CAST: variants seen among roughly 807,000 people sequenced by gnomAD.
The protein encoded by CAST is MIR583 host.
A neutral mutation model predicts 119.6 loss-of-function variants in CAST; 76 were observed. The observed-to-expected ratio is 0.64, with a 90% CI of 0.53 to 0.77. The LOEUF (loss-of-function observed/expected upper bound fraction) is 0.77, where lower values mean the gene tolerates loss of function less well. Among genes scored for constraint, CAST ranks in the 30% least tolerant of loss-of-function variants. The pLI is 0.00. For missense variants in CAST, 953 were observed against 946.5 expected (o/e 1.01, Z -0.09); for synonymous variants, 319 against 331.6 (o/e 0.96, Z 0.41).
chr5:96,586,858 C>T (rs1043352505), intron 1 of CAST, among the ~76,000 whole-genome samples: 2 of 152,198 alleles, frequency 1.3e-5, no homozygotes, highest in African/African-American at 4.8e-5. Flanking sequence ...TAGCCAGGCA[C>T]TCTGTTAAGC....
At chr5:96,490,352 GTC>G in the CAST span, among the ~76,000 whole-genome samples, 1 of 97,672 alleles carries the variant, frequency 1.0e-5, no homozygotes, top group East Asian at 2.7e-4. Context: ...ATATGTGTGT[GTC>G]TGTGTGTGTG....
chr5:96,460,604 T>C, the CAST span, among the ~76,000 whole-genome samples: 2 of 151,706 alleles, frequency 1.3e-5, no homozygotes, highest in African/African-American at 4.8e-5. Context: ...AGAATCAGGT[T>C]AGAATTAAAA....
chr5:96,012,044 TTTTAAA>T, the CAST span, among the ~76,000 whole-genome samples: 2 of 152,172 alleles, frequency 1.3e-5, no homozygotes, highest in African/African-American at 2.4e-5. Flanking sequence ...CTTTGAAGTC[TTTTAAA>T]TTAAAAACAA....
intron 1 of CAST, among the ~76,000 whole-genome samples, chr5:96,632,522 C>T (rs1221697599): frequency 2.0e-5 from 3 of 152,010 alleles, no homozygotes; most frequent in Non-Finnish European, 4.4e-5. Flanking sequence ...ATTTGCTAAT[C>T]CCAGGTCTTA....
chr5:96,330,910 A>T, the CAST span, among the ~76,000 whole-genome samples: 1 of 152,134 alleles, frequency 6.6e-6, no homozygotes, highest in African/African-American at 2.4e-5. Flanking sequence ...GAGAGGAATA[A>T]GGAAAGCAGT....
the CAST span, among the ~76,000 whole-genome samples, chr5:96,249,552 A>G: frequency 2.0e-5 from 3 of 152,242 alleles, no homozygotes; most frequent in Admixed American, 6.5e-5. Flanking sequence ...GGTTGTCCCA[A>G]CTGCAAACAA....
chr5:96,275,218 G>A, the CAST span, among the ~76,000 whole-genome samples: 4 of 152,284 alleles, frequency 2.6e-5, no homozygotes, highest in East Asian at 1.9e-4. Flanking sequence ...CTCATCCCCA[G>A]ATGTACAAAG....
the CAST span, among the ~76,000 whole-genome samples, chr5:96,042,383 C>T: frequency 2.0e-5 from 3 of 152,086 alleles, no homozygotes; most frequent in Non-Finnish European, 2.9e-5. Flanking sequence ...TATTGTCCTC[C>T]AGTTTATTTC....
the CAST span, among the ~76,000 whole-genome samples, chr5:96,047,907 G>T: frequency 6.6e-6 from 1 of 152,184 alleles, no homozygotes; most frequent in Non-Finnish European, 1.5e-5. Flanking sequence ...AGGTAGTAAA[G>T]AACTTGCTTA....
the CAST span, among the ~76,000 whole-genome samples, chr5:96,402,553 T>C: frequency 6.6e-6 from 1 of 152,160 alleles, no homozygotes; most frequent in African/African-American, 2.4e-5. Context: ...TCAGAGTCCA[T>C]AAAATTGCCA....
chr5:96,566,121 C>T lies in CAST; in HGVS notation c.60+36241C>T, dbSNP rs542539702. Among the ~76,000 whole-genome samples the T allele has an allele frequency of 2.1e-4, 32 of 152,276 alleles. No individual in the cohort carries two copies. In the South Asian group the frequency reaches 3.7e-3, roughly 18 times the overall value. On this transcript the variant is annotated intron_variant, in intron 1 of 11. Coordinates refer to the CAST transcript ENST00000505143. ...CATTCTGTGACATTCTCTTATTTTACTGTAGCTCTAATGATGTCTTCAGTG... is the reference window on the plus strand; with the variant it reads ...CATTCTGTGACATTCTCTTATTTTATTGTAGCTCTAATGATGTCTTCAGTG...
the CAST span, among the ~76,000 whole-genome samples, chr5:96,093,064 T>C: frequency 4.4e-4 from 67 of 152,272 alleles, no homozygotes; most frequent in Non-Finnish European, 5.3e-4. Context: ...ATTTAAAGAT[T>C]GATGTGTGAA....
chr5:96,616,182 C>T (rs546478903), intron 1 of CAST, among the ~76,000 whole-genome samples: 4 of 152,314 alleles, frequency 2.6e-5, no homozygotes, highest in African/African-American at 7.2e-5. Context: ...CACCCAGGAT[C>T]GATACTTTGC....
chr5:96,006,967 A>G, the CAST span, among the ~76,000 whole-genome samples: 2 of 152,374 alleles, frequency 1.3e-5, no homozygotes. Context: ...ATGTATTTTT[A>G]AAAGCCCTAA....
chr5:96,573,488 T>A (rs908685600), intron 1 of CAST, among the ~76,000 whole-genome samples: 1 of 151,850 alleles, frequency 6.6e-6, no homozygotes, highest in Non-Finnish European at 1.5e-5. Context: ...AAAAAATAAA[T>A]GATTAGCTAG....
the CAST span, among the ~76,000 whole-genome samples, chr5:96,295,892 T>G: frequency 6.6e-6 from 1 of 152,202 alleles, no homozygotes; most frequent in East Asian, 1.9e-4. Flanking sequence ...TATATATATA[T>G]GCACACACAC....
chr5:96,677,333 C>T lies in CAST; in HGVS notation c.138+1732C>T, dbSNP rs144067302. Among the ~76,000 whole-genome samples, 588 of 152,254 alleles carry T rather than the reference C, an allele frequency of 3.9e-3. 11 individuals are homozygous for T. Among genetic ancestry groups the T allele is most frequent in the South Asian group, 0.033 (160 of 4,826 alleles). On this transcript the variant is annotated intron_variant, in intron 2 of 31. Coordinates refer to ENST00000675179, the MANE Select transcript of CAST (RefSeq NM_001750.7). The stretch of plus-strand genomic sequence containing the variant: ...CCAATACTAATATGGTCATTCTGGC[C>T]AATTATAACTGGGAAACTTAAATAT...
At chr5:96,643,959 T>C (rs992245873) in intron 1 of CAST, among the ~76,000 whole-genome samples, 1 of 152,048 alleles carries the variant, frequency 6.6e-6, no homozygotes, top group Non-Finnish European at 1.5e-5. Context: ...TGAGGCAGAA[T>C]TGCTTGAACC....
the CAST span, among the ~76,000 whole-genome samples, chr5:96,267,941 T>G: frequency 6.6e-6 from 1 of 152,148 alleles, no homozygotes; most frequent in African/African-American, 2.4e-5. Context: ...GGAGTTAAAG[T>G]ATAGAGGTTT....
Sources: gnomAD v4.1 joint callset for allele counts (sites outside exome capture counted in the v4.1 genomes callset) on GRCh38, gnomAD v4.1.1 for gene constraint, MANE v1.5 for transcripts, NCBI Gene and HGNC (gene_info 2026-07-23, HGNC 2026-07-21) for gene names.